Variants in PSMD1 observed in about 807,000 individuals in gnomAD.
PSMD1 encodes the protein proteasome 26S subunit, non-ATPase 1.
Under a neutral mutation model 119.0 loss-of-function variants are expected in PSMD1, and 18 were observed. That is an observed-to-expected ratio of 0.15 (90% CI 0.10 to 0.22). The LOEUF (loss-of-function observed/expected upper bound fraction) is 0.22, where lower values mean the gene tolerates loss of function less well. PSMD1 is among the 10% of genes least tolerant of loss of function. The pLI, the probability that PSMD1 is intolerant of heterozygous loss-of-function variation, is 1.00. For missense variants in PSMD1, 702 were observed against 1,158.5 expected, an observed-to-expected ratio of 0.61 and a Z score of 5.72; for synonymous variants, 374 against 396.6, an observed-to-expected ratio of 0.94 and a Z score of 0.68.
At chr2:231,112,352 T>G (rs1200035285) in intron 16 of PSMD1, among the ~76,000 whole-genome samples, 1 of 152,262 alleles carries the variant, frequency 6.6e-6, no homozygotes, top group Non-Finnish European at 1.5e-5. Context: ...TGCCCCCTCA[T>G]CTAGCCTTTT....
intron 7 of PSMD1, among the ~76,000 whole-genome samples, chr2:231,073,934 T>G (rs1694099350): frequency 6.6e-6 from 1 of 152,150 alleles, no homozygotes; most frequent in Non-Finnish European, 1.5e-5. Flanking sequence ...GAATTCTGTT[T>G]ATTGGCATCT....
intron 18 of PSMD1, among the ~76,000 whole-genome samples, chr2:231,151,597 G>A (rs1324217852): frequency 6.6e-6 from 1 of 151,722 alleles, no homozygotes; most frequent in Non-Finnish European, 1.5e-5. Context: ...ATTGTTTTGG[G>A]TACAATTTTA....
chr2:231,072,038 G>T (rs1694053518), intron 6 of PSMD1, 151 bp from the exon 7 acceptor site: 2 of 613,748 alleles, frequency 3.3e-6, no homozygotes, highest in Non-Finnish European at 5.7e-6. Flanking sequence ...TCTAGTGCTG[G>T]GTTTAGAAAT....
chr2:231,157,641 A>G (rs1696541881), intron 19 of PSMD1, among the ~76,000 whole-genome samples: 1 of 151,708 alleles, frequency 6.6e-6, no homozygotes. Flanking sequence ...ATCTCGGCTC[A>G]CTGCAACCTC....
chr2:231,092,873 T>C (rs1315382116), intron 16 of PSMD1, among the ~76,000 whole-genome samples: 1 of 152,210 alleles, frequency 6.6e-6, no homozygotes, highest in Non-Finnish European at 1.5e-5. Flanking sequence ...AGGCATTTCC[T>C]TTGCCATGAT....
At chr2:231,071,715 T>G (rs1694044267) in intron 6 of PSMD1, among the ~76,000 whole-genome samples, 1 of 152,216 alleles carries the variant, frequency 6.6e-6, no homozygotes, top group South Asian at 2.1e-4. Flanking sequence ...GATAATTTTG[T>G]TAAAACAATG....
At chr2:231,058,667 C>T (rs1371974490) in intron 1 of PSMD1, among the ~76,000 whole-genome samples, 1 of 152,080 alleles carries the variant, frequency 6.6e-6, no homozygotes, top group Non-Finnish European at 1.5e-5. Context: ...TAACCAAGGA[C>T]CCACATGATC....
intron 7 of PSMD1, 48 bp from the exon 8 acceptor site, chr2:231,075,463 C>A (rs1694137364): frequency 1.9e-6 from 3 of 1,551,352 alleles, no homozygotes; most frequent in Admixed American, 1.7e-5. Context: ...GTGGTATAAA[C>A]AAATTGTACT....
Position 231,126,244 on chromosome 2 carries a change from C to A in PSMD1, c.1884-12492C>A, listed in dbSNP as rs149716625. Among the ~76,000 whole-genome samples, 131 of 152,046 alleles carry A rather than the reference C, an allele frequency of 8.6e-4. 1 individual carries two copies. The East Asian group carries it at 0.019, about 22-fold the overall frequency. On this transcript the variant is annotated intron_variant, in intron 16 of 24. Coordinates refer to ENST00000308696, the MANE Select transcript of PSMD1 (RefSeq NM_002807.4). ...CAAAACCCCATCTCTACAAAAAAAA[C>A]CACATAAATTAGCCAAGGGTGGTGG... is the stretch of plus-strand genomic sequence containing the variant.
intron 16 of PSMD1, among the ~76,000 whole-genome samples, chr2:231,089,596 T>G (rs1370499562): frequency 1.4e-5 from 2 of 148,146 alleles, no homozygotes; most frequent in Non-Finnish European, 3.0e-5. Flanking sequence ...ATTAATAGGA[T>G]ATATATATAT....
intron 10 of PSMD1, 48 bp downstream of exon 10, chr2:231,078,795 T>A (rs1239011392): frequency 6.1e-6 from 7 of 1,139,010 alleles, no homozygotes; most frequent in African/African-American, 3.4e-5. Flanking sequence ...CTTTTTCTTT[T>A]TTTTTTTTTT....
intron 14 of PSMD1, 89 bp downstream of exon 14, chr2:231,083,852 G>A: frequency 7.9e-7 from 1 of 1,264,750 alleles, no homozygotes; most frequent in East Asian, 2.5e-5. Flanking sequence ...GTTCCCATCA[G>A]AACATGTAGG....
At chr2:231,103,282 T>G (rs1694911535) in intron 16 of PSMD1, among the ~76,000 whole-genome samples, 1 of 152,190 alleles carries the variant, frequency 6.6e-6, no homozygotes, top group South Asian at 2.1e-4. Flanking sequence ...CTTCACTGTG[T>G]TATCCTCTAA....
chr2:231,094,431 A>G (rs1210092234), intron 16 of PSMD1, among the ~76,000 whole-genome samples: 1 of 152,178 alleles, frequency 6.6e-6, no homozygotes, highest in African/African-American at 2.4e-5. Flanking sequence ...TGATCCAGCA[A>G]TTGCTGAAGT....
At chr2:231,125,313 A>G (rs1695692657) in intron 16 of PSMD1, among the ~76,000 whole-genome samples, 1 of 152,188 alleles carries the variant, frequency 6.6e-6, no homozygotes, top group Non-Finnish European at 1.5e-5. Context: ...AGCTTCAGAT[A>G]GTTTTGTTTG....
rs7580967 is a variant in PSMD1, at chr2:231,123,386, A to C, written c.1884-15350A>C. On this transcript the variant is annotated intron_variant, in intron 16 of 24. Coordinates refer to ENST00000308696, the MANE Select transcript of PSMD1 (RefSeq NM_002807.4). ...TAGTATATCATAGTTCTGTGGTTTG[A>C]TGGCACAAACAAAGTGAAATACTTA... 1,306 of 1,496,830 alleles carry C rather than the reference A, an allele frequency of 8.7e-4. 13 individuals are homozygous for C. The African/African-American group carries it at 0.017, about 19-fold the overall frequency. 92.7% of individuals were successfully genotyped at this position (1,496,830 alleles called of 1,614,324 possible). A position where few individuals can be genotyped will look rare whatever the true frequency, so the allele number is the denominator to read the frequency against.
chr2:231,103,416 G>A (rs1694914029), intron 16 of PSMD1, among the ~76,000 whole-genome samples: 1 of 152,162 alleles, frequency 6.6e-6, no homozygotes, highest in Non-Finnish European at 1.5e-5. Flanking sequence ...TATTGGGCCT[G>A]ATTGTTTCTT....
In PSMD1 at chr2:231,067,014, T is replaced by A; in HGVS notation, c.413T>A (p.Phe138Tyr). ...QRLEGIVNKM[F>Y]QRCLDDHKYK... ...TTGGAAGGCATCGTAAATAAAATGT[T>A]CCAGCGATGTCTAGATGATCACAAG... is the stretch of plus-strand genomic sequence containing the variant. The change falls in exon 5 of 25, where the codon TTC (phenylalanine) becomes TAC (tyrosine). Residue 138 changes from phenylalanine to tyrosine, a missense_variant. Physicochemically the swap from Phe to Tyr is conservative, Grantham distance 22 (BLOSUM62 3). Transcript: ENST00000308696. 6.2e-7 allele frequency: 1 copy of A among 1,613,908 alleles called. No individual in the cohort carries two copies. Among genetic ancestry groups the A allele is most frequent in the Non-Finnish European group, 8.5e-7 (1 of 1,179,958 alleles).
At chr2:231,160,967 T>C (rs1559254217) in intron 19 of PSMD1, among the ~76,000 whole-genome samples, 4 of 152,072 alleles carry the variant, frequency 2.6e-5, no homozygotes, top group Admixed American at 1.3e-4. Flanking sequence ...TCCCAAGACT[T>C]TGGGAGGCTG....
Sources: allele counts gnomAD v4.1 joint callset (sites outside exome capture counted in the v4.1 genomes callset), GRCh38; gene constraint gnomAD v4.1.1; transcripts MANE v1.5; gene names NCBI Gene and HGNC (gene_info 2026-07-23, HGNC 2026-07-21).